Variants in DEPTOR observed in about 807,000 individuals in gnomAD.
DEPTOR encodes DEP domain containing MTOR interacting protein.
DEPTOR carries 41 observed loss-of-function variants against 41.6 expected under a neutral mutation model. The observed-to-expected ratio is 0.98, with a 90% CI of 0.77 to 1.28. The LOEUF (loss-of-function observed/expected upper bound fraction) is 1.28. DEPTOR is among the 50% of genes most tolerant of loss of function. The pLI, the probability that DEPTOR is intolerant of heterozygous loss-of-function variation, is 0.00. For synonymous variants in DEPTOR, 195 were observed against 192.3 expected, an observed-to-expected ratio of 1.01 and a Z score of -0.12; for missense variants, 514 against 527.9, an observed-to-expected ratio of 0.97 and a Z score of 0.26.
chr8:120,002,791 A>ATATATATATATAT (rs1554584639), intron 5 of DEPTOR, among the ~76,000 whole-genome samples, 186 bp from the exon 6 acceptor site: 2 of 60,670 alleles, frequency 3.3e-5, no homozygotes, highest in African/African-American at 7.6e-5. Flanking sequence ...AAAAAAAAAA[A>ATATATATATATAT]ATATATATAT....
Position 119,894,384 on chromosome 8 carries a change from T to TTTATTTATTTA in DEPTOR, c.122+20418_122+20419insATTTATTTATT, listed in dbSNP as rs1586602497. ...CTGCACCTGGCCTCTAATAGTTCTT[T>TTTATTTATTTA]TTTATTTATTTATTTATTTATTTAT... On this transcript the variant is annotated intron_variant, in intron 1 of 8. Coordinates refer to ENST00000286234, the MANE Select transcript of DEPTOR (RefSeq NM_022783.4). 4.1e-4 allele frequency among the ~76,000 whole-genome samples: 19 copies of TTTATTTATTTA among 46,488 alleles called. No individual in the cohort carries two copies. In the East Asian group the frequency reaches 0.031, roughly 76 times the overall value. The allele number at this position is 46,488 out of a possible 152,430, so 30.5% of individuals were successfully genotyped here.
chr8:120,020,876 T>C (rs1257552457), intron 8 of DEPTOR, among the ~76,000 whole-genome samples: 1 of 151,930 alleles, frequency 6.6e-6, no homozygotes, highest in Admixed American at 6.6e-5. Flanking sequence ...CTGGCCAATG[T>C]GGCGAAACGC....
At chr8:119,904,960 T>G (rs145599281) in intron 1 of DEPTOR, among the ~76,000 whole-genome samples, 4 of 143,282 alleles carry the variant, frequency 2.8e-5, no homozygotes, top group African/African-American at 1.0e-4. Flanking sequence ...CCTGGCTAAT[T>G]TTTGCTTTTT....
Position 120,050,393 on chromosome 8 carries a change from CTGATCCTAAATCA to C in DEPTOR, c.*691_*703del, listed in dbSNP as rs1290921427. ...GAAATTGTGTGCCCCTATTTTCTTT[CTGATCCTAAATCA>C]TTTTGTTTTATAAATCAGCTATAGC... On this transcript the variant is annotated 3_prime_UTR_variant, in exon 9 of 9. Coordinates refer to ENST00000286234, the MANE Select transcript of DEPTOR (RefSeq NM_022783.4). 6.6e-6 allele frequency: 1 copy of C among 151,510 alleles called. No homozygotes were observed. The highest frequency in any genetic ancestry group is 1.5e-5 in the Non-Finnish European group (1 of 67,920). The allele number at this position is 151,510 out of a possible 1,614,324, so 9.4% of individuals were successfully genotyped here. A position where few individuals can be genotyped will look rare whatever the true frequency, so the allele number is the denominator to read the frequency against.
intron 8 of DEPTOR, among the ~76,000 whole-genome samples, chr8:120,010,914 C>G (rs1812523645): frequency 6.6e-6 from 1 of 152,124 alleles, no homozygotes; most frequent in Admixed American, 6.6e-5. Flanking sequence ...TTATATAGCA[C>G]AGCTTTGTTC....
chr8:119,991,684 A>G (rs977987847), intron 4 of DEPTOR, among the ~76,000 whole-genome samples: 2 of 152,192 alleles, frequency 1.3e-5, no homozygotes, highest in African/African-American at 4.8e-5. Flanking sequence ...AAGTGAGAAC[A>G]CGAGGTATTT....
At chr8:119,976,474 C>T (rs1051591624) in intron 4 of DEPTOR, among the ~76,000 whole-genome samples, 3 of 152,076 alleles carry the variant, frequency 2.0e-5, no homozygotes, top group East Asian at 1.9e-4. Flanking sequence ...TTGCTGGGCA[C>T]AATACTGGTG....
intron 3 of DEPTOR, among the ~76,000 whole-genome samples, chr8:119,946,736 AAAAAT>A (rs1263905094): frequency 2.0e-5 from 3 of 152,168 alleles, no homozygotes; most frequent in East Asian, 3.8e-4. Context: ...CTTTGTCTCA[AAAAAT>A]AAAATAAAAA....
chr8:119,974,020 A>T (rs1828665099), intron 4 of DEPTOR, among the ~76,000 whole-genome samples: 1 of 151,972 alleles, frequency 6.6e-6, no homozygotes, highest in Non-Finnish European at 1.5e-5. Flanking sequence ...AATAATTAAG[A>T]TAATTGATAG....
At position 119,929,850 on chromosome 8, in the gene DEPTOR, C is replaced by G. The variant is rs1828017566; in HGVS notation, c.337C>G (p.Leu113Val). 1.2e-6 allele frequency: 2 copies of G among 1,613,528 alleles called. No individual in the cohort carries two copies. The highest frequency in any genetic ancestry group is 1.7e-6 in the Non-Finnish European group (2 of 1,179,674). Residue 113 changes from leucine (L) to valine (V), a missense_variant, in exon 3 of 9, where the codon CTC (leucine) becomes GTC (valine). By Grantham distance (32) the Leu-to-Val change is conservative. Coordinates refer to ENST00000286234, the MANE Select transcript of DEPTOR (RefSeq NM_022783.4). ...DEHKEFKDVK[L>V]FYRFRKDDGT... ...GCATAAGGAATTCAAGGATGTCAAA[C>G]TCTTCTACCGCTTTAGAAAGGATGA...
At chr8:119,988,404 C>A (rs1828856370) in intron 4 of DEPTOR, among the ~76,000 whole-genome samples, 1 of 152,202 alleles carries the variant, frequency 6.6e-6, no homozygotes, top group African/African-American at 2.4e-5. Context: ...AGAAATCACC[C>A]ACCTTCTGCG....
Position 119,928,569 on chromosome 8 carries a change from A to G in DEPTOR, c.292A>G (p.Ile98Val). Residue 98 changes from isoleucine (I) to valine (V), a missense_variant, in exon 2 of 9, where the codon ATT (isoleucine) becomes GTT (valine). Physicochemically the swap from Ile to Val is conservative, Grantham distance 29. Coordinates refer to ENST00000286234, the MANE Select transcript of DEPTOR (RefSeq NM_022783.4). ...LMQKLADRGI[I>V]HHVCDEHKEF... ...GCAGAAATTAGCAGACCGGGGCATT[A>G]TTCACCATGGTGAGTGCGGTGGCGA... is the stretch of plus-strand genomic sequence containing the variant. 6.2e-7 allele frequency: 1 copy of G among 1,614,094 alleles called. No individual in the cohort carries two copies. Among genetic ancestry groups the G allele is most frequent in the South Asian group, 1.1e-5 (1 of 91,074 alleles).
chr8:119,873,964 C>T lies in DEPTOR; in HGVS notation c.118C>T (p.Leu40=). Residue 40 remains leucine, a synonymous_variant, in exon 1 of 9, where the codon CTA becomes TTA. Coordinates refer to ENST00000286234, the MANE Select transcript of DEPTOR (RefSeq NM_022783.4). Reference sequence around the variant, plus strand: ...TGAGGTCTTGGTCACCGGGGAACAGCTACGGTAAGGCAAGAGACACAGCGG... The same window carrying T: ...TGAGGTCTTGGTCACCGGGGAACAGTTACGGTAAGGCAAGAGACACAGCGG... ...MAEVLVTGEQ[L]RLRLHEEKVI... is the part of the protein sequence containing the mutation. The T allele has an allele frequency of 1.9e-6, 3 of 1,613,580 alleles. No homozygotes were observed. The highest frequency in any genetic ancestry group is 1.6e-4 in the Middle Eastern group (1 of 6,062).
intron 8 of DEPTOR, among the ~76,000 whole-genome samples, chr8:120,015,272 T>TAGC (rs1812591771): frequency 3.3e-5 from 5 of 152,212 alleles, no homozygotes; most frequent in Non-Finnish European, 7.3e-5. Context: ...GCTGGTTCCA[T>TAGC]TGTTGTCCTT....
intron 1 of DEPTOR, among the ~76,000 whole-genome samples, chr8:119,922,109 G>C (rs1314461120): frequency 1.3e-5 from 2 of 151,676 alleles, no homozygotes; most frequent in Non-Finnish European, 2.9e-5. Flanking sequence ...CATGGTGGCG[G>C]GCACCTGTAA....
intron 4 of DEPTOR, 25 bp from the exon 5 acceptor site, chr8:120,001,500 T>C: frequency 6.3e-7 from 1 of 1,577,068 alleles, no homozygotes; most frequent in Non-Finnish European, 8.6e-7. Context: ...TAGTCCTCAT[T>C]GGTTGTTTTT....
chr8:119,987,231 T>G (rs144777388), intron 4 of DEPTOR, among the ~76,000 whole-genome samples: 1,836 of 152,300 alleles, frequency 0.012, 38 homozygotes, highest in African/African-American at 0.042. Context: ...ATGTCCTTTT[T>G]GTTGACGTTG....
At chr8:120,033,824 T>C (rs1338297816) in intron 8 of DEPTOR, among the ~76,000 whole-genome samples, 1 of 152,206 alleles carries the variant, frequency 6.6e-6, no homozygotes, top group Non-Finnish European at 1.5e-5. Context: ...GAGTGACTTC[T>C]TGAACTGAGT....
intron 1 of DEPTOR, among the ~76,000 whole-genome samples, chr8:119,906,139 A>G (rs1306240389): frequency 6.6e-6 from 1 of 152,086 alleles, no homozygotes; most frequent in East Asian, 1.9e-4. Flanking sequence ...TGCACTCTGT[A>G]TATCATAAAT....
Sources: allele counts gnomAD v4.1 joint callset (sites outside exome capture counted in the v4.1 genomes callset), GRCh38; gene constraint gnomAD v4.1.1; transcripts MANE v1.5; gene names NCBI Gene and HGNC (gene_info 2026-07-23, HGNC 2026-07-21).